NXN: variants seen among roughly 807,000 people sequenced by gnomAD.
NXN encodes nucleoredoxin 1.
Under a neutral mutation model 48.6 loss-of-function variants are expected in NXN, and 16 were observed. The observed-to-expected ratio is 0.33, with a 90% CI of 0.22 to 0.50. The LOEUF (loss-of-function observed/expected upper bound fraction) is 0.50, where lower values mean the gene tolerates loss of function less well. NXN is among the 20% of genes least tolerant of loss of function. NXN has a pLI of 0.98. For synonymous variants in NXN, 281 were observed against 269.6 expected, an observed-to-expected ratio of 1.04 and a Z score of -0.41; for missense variants, 492 against 605.5, an observed-to-expected ratio of 0.81 and a Z score of 1.97.
intron 1 of NXN, among the ~76,000 whole-genome samples, chr17:964,924 A>C (rs979249694): frequency 3.3e-5 from 5 of 152,192 alleles, no homozygotes; most frequent in Non-Finnish European, 7.3e-5. Flanking sequence ...TGGTATTAAG[A>C]AAAAGACTCC....
chr17:979,330 TCTC>T lies in NXN; in HGVS notation c.346_348del (p.Glu116del). ...CCCGCGCCGCTCACCTTCCTGTGCTTCTCCTTGTAGGGCAGCGCCAGCCACGGC... is the reference window on the plus strand; with the variant it reads ...CCCGCGCCGCTCACCTTCCTGTGCTTCTTGTAGGGCAGCGCCAGCCACGGC... On this transcript the variant is annotated inframe_deletion, in exon 1 of 8. Coordinates refer to ENST00000336868, the MANE Select transcript of NXN (RefSeq NM_022463.5). 2 of 1,498,336 alleles carry T rather than the reference TCTC, an allele frequency of 1.3e-6. No individual in the cohort carries two copies. Among genetic ancestry groups the T allele is most frequent in the Non-Finnish European group, 1.8e-6 (2 of 1,128,642 alleles). 92.8% of individuals were successfully genotyped at this position (1,498,336 alleles called of 1,614,324 possible).
At chr17:857,355 G>C (rs1308580090) in intron 1 of NXN, among the ~76,000 whole-genome samples, 1 of 152,114 alleles carries the variant, frequency 6.6e-6, no homozygotes, top group African/African-American at 2.4e-5. Flanking sequence ...CCGCCTCCTG[G>C]GCTCAAGGGA....
At chr17:967,650 G>C (rs571938900) in intron 1 of NXN, among the ~76,000 whole-genome samples, 1 of 152,328 alleles carries the variant, frequency 6.6e-6, no homozygotes, top group South Asian at 2.1e-4. Flanking sequence ...GGTTAAAAGA[G>C]GCTTAAGGGA....
chr17:957,615 G>C (rs2069186827), intron 1 of NXN, among the ~76,000 whole-genome samples: 1 of 147,410 alleles, frequency 6.8e-6, no homozygotes. Context: ...CTGGGCGACA[G>C]AGCAAGACTC....
intron 5 of NXN, among the ~76,000 whole-genome samples, chr17:811,547 C>T (rs1567811594): frequency 6.6e-6 from 1 of 152,046 alleles, no homozygotes; most frequent in Non-Finnish European, 1.5e-5. Context: ...GTTATTCCCA[C>T]GAGACCAGGA....
chr17:836,866 A>G (rs561492200), intron 1 of NXN, among the ~76,000 whole-genome samples: 23 of 152,238 alleles, frequency 1.5e-4, no homozygotes, highest in African/African-American at 5.5e-4. Context: ...ATCATGGCTC[A>G]CTGCAGCCTC....
At chr17:831,847 A>G (rs540276729) in intron 1 of NXN, among the ~76,000 whole-genome samples, 1 of 150,838 alleles carries the variant, frequency 6.6e-6, no homozygotes, top group African/African-American at 2.5e-5. Context: ...ATGGCTACTG[A>G]TTATTCTTTG....
chr17:904,624 A>G (rs1031096848), intron 1 of NXN, among the ~76,000 whole-genome samples: 2 of 152,024 alleles, frequency 1.3e-5, no homozygotes, highest in Non-Finnish European at 2.9e-5. Flanking sequence ...GCTCACTGCA[A>G]CCTCTGCCTC....
At chr17:909,292 AGC>A (rs200193625) in intron 1 of NXN, among the ~76,000 whole-genome samples, 1 of 152,162 alleles carries the variant, frequency 6.6e-6, no homozygotes, top group Non-Finnish European at 1.5e-5. Context: ...ACACTTATAA[AGC>A]TAAACATTAC....
At position 825,949 on chromosome 17, in the gene NXN, C is replaced by T. The variant is rs765619512; in HGVS notation, c.478+12G>A. On this transcript the variant is annotated intron_variant, in intron 2 of 7. Coordinates refer to ENST00000336868, the MANE Select transcript of NXN (RefSeq NM_022463.5). This position sits in a 1 kb window ranked among gnomAD's most constrained non-coding sequence, Gnocchi z 4.1. ...GTAATAAGAGGACCATATGCACGGG[C>T]TGAGGTTTTACCTTCTGGGTCATCT... 2 of 1,570,170 alleles carry T rather than the reference C, an allele frequency of 1.3e-6. No individual in the cohort carries two copies.
intron 1 of NXN, among the ~76,000 whole-genome samples, chr17:936,356 C>G (rs2068907656): frequency 6.6e-6 from 1 of 152,020 alleles, no homozygotes; most frequent in African/African-American, 2.4e-5. Context: ...CTCTGAGGCA[C>G]TGCAGCGACG....
intron 1 of NXN, among the ~76,000 whole-genome samples, chr17:851,979 G>A (rs933203071): frequency 6.6e-6 from 1 of 152,130 alleles, no homozygotes; most frequent in Non-Finnish European, 1.5e-5. Context: ...TTGAAATGGA[G>A]AGTGGAAAAA....
At chr17:814,743 C>T (rs578242177) in intron 5 of NXN, among the ~76,000 whole-genome samples, 5 of 152,196 alleles carry the variant, frequency 3.3e-5, no homozygotes, top group East Asian at 3.9e-4. Flanking sequence ...ACATCAAATC[C>T]GGCCGGGCGC....
rs142497917 is a variant in NXN at position 914,418 on chromosome 17, C to T, written c.360+64901G>A. Among the ~76,000 whole-genome samples the T allele has an allele frequency of 1.2e-4, 18 of 152,256 alleles. No individual in the cohort carries two copies. In the East Asian group the frequency reaches 3.5e-3, roughly 29 times the overall value. On this transcript the variant is annotated intron_variant, in intron 1 of 7. Transcript: ENST00000336868. ...CTCCTGACCTCAGGTGATCCACCCG[C>T]CACAGCCTCCCAAAGTGCTGGTATT...
intron 1 of NXN, among the ~76,000 whole-genome samples, chr17:951,431 G>A (rs1251639434): frequency 2.0e-5 from 3 of 151,728 alleles, no homozygotes; most frequent in Admixed American, 1.3e-4. Flanking sequence ...TGCAACGATC[G>A]CACGAGGGAC....
intron 6 of NXN, 108 bp downstream of exon 6, chr17:804,960 C>T: frequency 8.3e-7 from 1 of 1,202,194 alleles, no homozygotes; most frequent in Non-Finnish European, 1.2e-6. Context: ...CCCAGGCTTG[C>T]ACTGCTGGTG....
intron 5 of NXN, among the ~76,000 whole-genome samples, chr17:812,253 G>A (rs1003460641): frequency 3.8e-4 from 58 of 152,136 alleles, no homozygotes; most frequent in African/African-American, 1.4e-3. Flanking sequence ...ACCCGAGCCT[G>A]TCAGAACACT....
chr17:823,567 A>G (rs1439542571), intron 3 of NXN, 65 bp downstream of exon 3: 1 of 1,592,828 alleles, frequency 6.3e-7, no homozygotes, highest in African/African-American at 1.3e-5. Context: ...AGCCAACCAC[A>G]GCTGGGCCTG....
chr17:967,148 G>C (rs1453967196), intron 1 of NXN, among the ~76,000 whole-genome samples: 1 of 151,234 alleles, frequency 6.6e-6, no homozygotes, highest in Non-Finnish European at 1.5e-5. Context: ...ACCTGGCTTG[G>C]GACCCCAGCC....
Sources: allele counts gnomAD v4.1 joint callset (sites outside exome capture counted in the v4.1 genomes callset), GRCh38; gene constraint gnomAD v4.1.1; non-coding constraint Gnocchi (gnomAD v3.1); transcripts MANE v1.5; gene names NCBI Gene and HGNC (gene_info 2026-07-23, HGNC 2026-07-21).